Variants in DIAPH3 observed in about 807,000 individuals in gnomAD.
DIAPH3 encodes diaphanous related formin 3, also known as protein diaphanous homolog 3.
Under a neutral mutation model 144.3 loss-of-function variants are expected in DIAPH3, and 117 were observed. The ratio of observed to expected loss-of-function variants is 0.81; its 90% CI spans 0.70 to 0.95. The LOEUF is 0.95. DIAPH3 is among the 40% of genes least tolerant of loss of function. The pLI, the probability that DIAPH3 is intolerant of heterozygous loss-of-function variation, is 0.00. For synonymous variants in DIAPH3, 519 were observed against 488.9 expected, an observed-to-expected ratio of 1.06 and a Z score of -0.81; for missense variants, 1,421 against 1,412.7, an observed-to-expected ratio of 1.01 and a Z score of -0.09.
At chr13:60,130,583 C>A (rs1359836598) in intron 2 of DIAPH3, among the ~76,000 whole-genome samples, 1 of 152,162 alleles carries the variant, frequency 6.6e-6, no homozygotes, top group East Asian at 1.9e-4. Flanking sequence ...TGACTAGCGC[C>A]AAGCCAGGCT....
In DIAPH3 at chr13:59,956,759, A is replaced by AC. The variant is rs201794064; in HGVS notation, c.2074+13184dup. 9.3e-3 allele frequency among the ~76,000 whole-genome samples: 1,408 copies of AC among 152,212 alleles called. 15 individuals carry two copies. Among genetic ancestry groups the AC allele is most frequent in the Non-Finnish European group, 0.016 (1,114 of 68,016 alleles). Reference sequence around the variant, plus strand: ...GGAAAACCCACAGACACTCGACACCACCCCATGAAAGCAGCCAGGAGTAGA... The same window carrying AC: ...GGAAAACCCACAGACACTCGACACCACCCCCATGAAAGCAGCCAGGAGTAGA... On this transcript the variant is annotated intron_variant, in intron 17 of 27. Transcript: ENST00000400324.
intron 1 of DIAPH3, among the ~76,000 whole-genome samples, chr13:60,141,719 G>A (rs1315983337): frequency 6.6e-6 from 1 of 152,110 alleles, no homozygotes; most frequent in Non-Finnish European, 1.5e-5. Context: ...AAAGATTTTT[G>A]CCCTAAAAGA....
chr13:59,738,284 CAAG>C (rs2139028415), intron 27 of DIAPH3, among the ~76,000 whole-genome samples: 3 of 152,182 alleles, frequency 2.0e-5, no homozygotes, highest in African/African-American at 7.2e-5. Flanking sequence ...AGATCCTGCT[CAAG>C]AAGGTGGCCT....
At chr13:60,097,019 T>C (rs975161182) in intron 3 of DIAPH3, among the ~76,000 whole-genome samples, 41 of 152,264 alleles carry the variant, frequency 2.7e-4, no homozygotes, top group Admixed American at 7.8e-4. Flanking sequence ...ATTGGTTCTG[T>C]TTCTCTGGAG....
At chr13:59,774,475 C>T (rs1371583612) in intron 26 of DIAPH3, among the ~76,000 whole-genome samples, 1 of 152,116 alleles carries the variant, frequency 6.6e-6, no homozygotes, top group Non-Finnish European at 1.5e-5. Context: ...TTAGATGAGA[C>T]TTGTCACACT....
chr13:60,003,480 T>C (rs538054906), intron 9 of DIAPH3, among the ~76,000 whole-genome samples: 15 of 151,646 alleles, frequency 9.9e-5, no homozygotes, highest in Middle Eastern at 3.5e-3. Context: ...TTTATATTTG[T>C]ACTTTCTTTC....
At chr13:59,847,909 G>A (rs186543990) in intron 22 of DIAPH3, among the ~76,000 whole-genome samples, 2 of 152,194 alleles carry the variant, frequency 1.3e-5, no homozygotes, top group Admixed American at 1.3e-4. Context: ...ATATTTAGCT[G>A]GCACCTTAAA....
At chr13:59,991,478 T>C (rs567554777) in intron 11 of DIAPH3, among the ~76,000 whole-genome samples, 8 of 152,072 alleles carry the variant, frequency 5.3e-5, no homozygotes, top group African/African-American at 1.9e-4. Flanking sequence ...ACTTCCCTTC[T>C]ACAATCAGTT....
At chr13:59,697,485 A>G (rs1351968323) in intron 27 of DIAPH3, among the ~76,000 whole-genome samples, 1 of 148,682 alleles carries the variant, frequency 6.7e-6, no homozygotes, top group Non-Finnish European at 1.5e-5. Flanking sequence ...AAAAAAAAAA[A>G]AAAAAAAAGA....
At position 60,124,277 on chromosome 13, in the gene DIAPH3, G is replaced by A. The variant is rs1043028962; in HGVS notation, c.213+8680C>T. Among the ~76,000 whole-genome samples the A allele has an allele frequency of 6.6e-5, 10 of 152,114 alleles. No individual in the cohort carries two copies. In the East Asian group the frequency reaches 1.5e-3, roughly 23 times the overall value. The stretch of plus-strand genomic sequence containing the variant: ...AGTGGCTCTATGACCCCATTACCCC[G>A]GGAACTTTGAGGAGAACAAGGAAAG... On this transcript the variant is annotated intron_variant, in intron 2 of 27. Coordinates refer to ENST00000400324, the MANE Select transcript of DIAPH3 (RefSeq NM_001042517.2).
intron 25 of DIAPH3, among the ~76,000 whole-genome samples, chr13:59,792,858 C>T (rs1312950668): frequency 6.6e-6 from 1 of 152,146 alleles, no homozygotes; most frequent in African/African-American, 2.4e-5. Flanking sequence ...TGGCATTACT[C>T]CAGATGCTGA....
chr13:59,763,040 A>G (rs575824969), intron 27 of DIAPH3, among the ~76,000 whole-genome samples: 1 of 152,166 alleles, frequency 6.6e-6, no homozygotes, highest in African/African-American at 2.4e-5. Context: ...ACTTCTGTTC[A>G]TAAGTTACCC....
chr13:60,014,241 T>C (rs764455339), intron 7 of DIAPH3, among the ~76,000 whole-genome samples: 54 of 152,270 alleles, frequency 3.5e-4, no homozygotes, highest in Non-Finnish European at 5.6e-4. Context: ...ATTCTCACTT[T>C]AAAAAGGGCT....
chr13:59,728,790 G>T (rs1310005000), intron 27 of DIAPH3, among the ~76,000 whole-genome samples: 1 of 152,050 alleles, frequency 6.6e-6, no homozygotes, highest in Non-Finnish European at 1.5e-5. Context: ...ATGGAAAAAA[G>T]TACTTATGTA....
chr13:59,778,263 G>A (rs2038530068), intron 25 of DIAPH3, among the ~76,000 whole-genome samples: 2 of 152,088 alleles, frequency 1.3e-5, no homozygotes, highest in South Asian at 2.1e-4. Context: ...TGTCCCAGTG[G>A]TCTGTAATAC....
rs190888093 is a variant in DIAPH3, at chr13:59,717,755, A to C, written c.3320-50909T>G. ...CCAAGAAAATTATAGGTATAGGAGG[A>C]TAAATCTTCTGAAATGCTACCCTTG... is the stretch of plus-strand genomic sequence containing the variant. On this transcript the variant is annotated intron_variant, in intron 27 of 27. Transcript: ENST00000400324. Among the ~76,000 whole-genome samples, 409 of 145,520 alleles carry C rather than the reference A, an allele frequency of 2.8e-3. 3 individuals carry two copies. The highest frequency in any genetic ancestry group is 1.0e-2 in the African/African-American group (389 of 38,956).
chr13:59,691,988 A>AT (rs898410888), intron 27 of DIAPH3, among the ~76,000 whole-genome samples: 1 of 152,148 alleles, frequency 6.6e-6, no homozygotes, highest in African/African-American at 2.4e-5. Flanking sequence ...GTCAAAAAGG[A>AT]TTTTAAAAAG....
Position 59,835,676 on chromosome 13 carries a change from C to A in DIAPH3, c.2863-2405G>T, listed in dbSNP as rs11840731. 5.7e-3 allele frequency among the ~76,000 whole-genome samples: 863 copies of A among 151,792 alleles called. 9 individuals are homozygous for A. The highest frequency in any genetic ancestry group is 0.027 in the Middle Eastern group (8 of 292). On this transcript the variant is annotated intron_variant, in intron 23 of 27. Transcript: ENST00000400324. ...GGAGAAGAAAGTGAGAAGACTAATT[C>A]AAGAGAAGAAAAATCTGCTACAATA... is the stretch of plus-strand genomic sequence containing the variant.
chr13:60,065,245 T>C (rs1399556592), intron 4 of DIAPH3, among the ~76,000 whole-genome samples: 1 of 126,004 alleles, frequency 7.9e-6, no homozygotes, highest in African/African-American at 3.1e-5. Context: ...CACAGTCCTT[T>C]AATTTATTAA....
Sources: gnomAD v4.1 joint callset for allele counts (sites outside exome capture counted in the v4.1 genomes callset) on GRCh38, gnomAD v4.1.1 for gene constraint, MANE v1.5 for transcripts, NCBI Gene and HGNC (gene_info 2026-07-23, HGNC 2026-07-21) for gene names.